The following CLPSL1 variants were observed in gnomAD, a reference collection of about 807,000 sequenced individuals.
The protein encoded by CLPSL1 is colipase-like protein 1.
In CLPSL1, 13 loss-of-function variants were observed where a neutral mutation model predicts 9.3. The observed-to-expected ratio is 1.40, with a 90% CI of 0.91 to 2.22. The LOEUF (loss-of-function observed/expected upper bound fraction) is 2.22. Among genes scored for constraint, CLPSL1 ranks in the 30% most tolerant of loss-of-function variants. The pLI is 0.00. For synonymous variants in CLPSL1, 58 were observed against 56.9 expected, an observed-to-expected ratio of 1.02 and a Z score of -0.08; for missense variants, 164 against 146.6, an observed-to-expected ratio of 1.12 and a Z score of -0.61.
chr6:35,790,117 G>A (rs372462908), downstream of CLPSL1, among the ~76,000 whole-genome samples: 1 of 152,134 alleles, frequency 6.6e-6, no homozygotes, highest in Admixed American at 6.5e-5. Flanking sequence ...TGTAGAGATG[G>A]GGAGGGGGAG....
chr6:35,791,827 G>A (rs1184990397), downstream of CLPSL1, among the ~76,000 whole-genome samples: 2 of 152,074 alleles, frequency 1.3e-5, no homozygotes, highest in African/African-American at 2.4e-5. Flanking sequence ...TAGCACTTTC[G>A]GAGGCCTAGG....
At chr6:35,784,455 C>T (rs1344199395) in intron 1 of CLPSL1, among the ~76,000 whole-genome samples, 1 of 152,090 alleles carries the variant, frequency 6.6e-6, no homozygotes, top group Non-Finnish European at 1.5e-5. Context: ...CTGAACCAGT[C>T]TTTCAGGTTA....
At chr6:35,793,346 AC>A (rs1451697065) in intron 1 of CLPSL1, 1 of 430,724 alleles carries the variant, frequency 2.3e-6, no homozygotes, top group African/African-American at 2.1e-5. Flanking sequence ...AATCGCATGA[AC>A]CCAGGAGGCA....
chr6:35,791,374 G>C (rs148848808), downstream of CLPSL1, among the ~76,000 whole-genome samples: 1 of 152,376 alleles, frequency 6.6e-6, no homozygotes, highest in Non-Finnish European at 1.5e-5. Flanking sequence ...ACTTTGGGAG[G>C]CTGAGGCAGG....
downstream of CLPSL1, among the ~76,000 whole-genome samples, chr6:35,792,560 C>T (rs368967217): frequency 2.6e-5 from 4 of 152,250 alleles, no homozygotes; most frequent in African/African-American, 9.6e-5. Context: ...GCTGTGTAGG[C>T]GTGTGATGCT....
downstream of CLPSL1, among the ~76,000 whole-genome samples, chr6:35,790,784 C>G (rs1302028559): frequency 6.6e-6 from 1 of 152,240 alleles, no homozygotes; most frequent in East Asian, 1.9e-4. Flanking sequence ...CAATGGAGCT[C>G]TTTTGCAGGG....
Position 35,781,107 on chromosome 6 carries a change from G to T in CLPSL1, c.-4G>T. On this transcript the variant is annotated 5_prime_UTR_variant, in exon 1 of 3. Coordinates refer to ENST00000373861, the MANE Select transcript of CLPSL1 (RefSeq NM_001010886.5). ...CCTAGAAAAGCCACCACGACCTGTG[G>T]GCCATGATGCTACCCCAATGGCTGC... The T allele has an allele frequency of 1.2e-6, 2 of 1,613,720 alleles. No homozygotes were observed. The highest frequency in any genetic ancestry group is 1.7e-6 in the Non-Finnish European group (2 of 1,179,804).
chr6:35,792,419 C>A (rs952356349), downstream of CLPSL1, among the ~76,000 whole-genome samples: 4 of 152,284 alleles, frequency 2.6e-5, no homozygotes, highest in Non-Finnish European at 4.4e-5. Context: ...TCGAATATAT[C>A]TCATGTAATT....
chr6:35,793,101 G>T (rs925103790), downstream of CLPSL1, among the ~76,000 whole-genome samples: 1 of 152,232 alleles, frequency 6.6e-6, no homozygotes, highest in Non-Finnish European at 1.5e-5. Flanking sequence ...ATGAAGAGAA[G>T]TCGGCCTTGA....
chr6:35,786,858 A>G, intron 1 of CLPSL1, 140 bp from the exon 2 acceptor site: 1 of 1,113,656 alleles, frequency 9.0e-7, no homozygotes, highest in African/African-American at 1.5e-5. Context: ...CCACGTAGAG[A>G]CCACCCTGCC....
At chr6:35,781,484 T>C (rs1490711278) in intron 1 of CLPSL1, among the ~76,000 whole-genome samples, 1 of 152,188 alleles carries the variant, frequency 6.6e-6, no homozygotes, top group Non-Finnish European at 1.5e-5. Context: ...TATTCACTCA[T>C]GCAACACATT....
At chr6:35,781,233 C>A in intron 1 of CLPSL1, 24 bp downstream of exon 1, 1 of 1,611,040 alleles carries the variant, frequency 6.2e-7, no homozygotes, top group South Asian at 1.1e-5. Flanking sequence ...AGAGTGCAGT[C>A]ACCTCCCCCT....
chr6:35,788,736 A>G (rs916087019), downstream of CLPSL1, among the ~76,000 whole-genome samples: 5 of 152,238 alleles, frequency 3.3e-5, no homozygotes, highest in African/African-American at 7.2e-5. Flanking sequence ...AGTGAGAAAG[A>G]AAGACTGGAG....
downstream of CLPSL1, among the ~76,000 whole-genome samples, chr6:35,790,301 T>C (rs1768161890): frequency 6.6e-6 from 1 of 152,264 alleles, no homozygotes; most frequent in African/African-American, 2.4e-5. Context: ...AACAAAGTTG[T>C]TAATTTTTTT....
At chr6:35,788,186 G>A (rs1344225172), downstream of CLPSL1, 1 of 626,738 alleles carries the variant, frequency 1.6e-6, no homozygotes, top group South Asian at 1.6e-5. Context: ...GGGTGGGCTG[G>A]GCTGGGGTGG....
Position 35,787,140 on chromosome 6 carries a change from G to T in CLPSL1, c.222+20G>T, listed in dbSNP as rs1581954149. The T allele has an allele frequency of 3.7e-6, 6 of 1,609,842 alleles. No individual in the cohort carries two copies. The highest frequency in any genetic ancestry group is 5.1e-6 in the Non-Finnish European group (6 of 1,178,794). Reference sequence around the variant, plus strand: ...ACGCAGGTGGGTATCGCCGCCCGGGGGGAGCCAGAGGGGATCCAGGGGAAG... The same window carrying T: ...ACGCAGGTGGGTATCGCCGCCCGGGTGGAGCCAGAGGGGATCCAGGGGAAG... On this transcript the variant is annotated intron_variant, in intron 2 of 2. Transcript: ENST00000373861.
At chr6:35,785,005 C>A (rs1400117895) in intron 1 of CLPSL1, among the ~76,000 whole-genome samples, 1 of 152,044 alleles carries the variant, frequency 6.6e-6, no homozygotes, top group Non-Finnish European at 1.5e-5. Flanking sequence ...TCTTGCCTAC[C>A]TCCAGTGTCG....
rs936265133 is a variant in CLPSL1, at chr6:35,783,521, G to A, written c.99+2312G>A. ...TGAGACTTTGTCTCAAAAAAAAAAAGGGGGGCTGGGCGCGGTGGCTCATGC... is the reference window on the plus strand; with the variant it reads ...TGAGACTTTGTCTCAAAAAAAAAAAAGGGGGCTGGGCGCGGTGGCTCATGC... On this transcript the variant is annotated intron_variant, in intron 1 of 2. Transcript: ENST00000373861. 4.4e-4 allele frequency among the ~76,000 whole-genome samples: 66 copies of A among 148,460 alleles called. 1 individual carries two copies. Among genetic ancestry groups the A allele is most frequent in the Non-Finnish European group, 1.6e-4 (11 of 66,968 alleles).
chr6:35,782,639 G>A (rs147068317), intron 1 of CLPSL1, among the ~76,000 whole-genome samples: 150 of 152,332 alleles, frequency 9.8e-4, no homozygotes, highest in African/African-American at 3.5e-3. Context: ...GCCAGCAAGC[G>A]CAAATGCCCT....
Sources: allele counts gnomAD v4.1 joint callset (sites outside exome capture counted in the v4.1 genomes callset), GRCh38; gene constraint gnomAD v4.1.1; transcripts MANE v1.5; gene names NCBI Gene and HGNC (gene_info 2026-07-23, HGNC 2026-07-21).